Variants in OSBPL8 observed in about 807,000 individuals in gnomAD.
OSBPL8 encodes the protein oxysterol-binding protein-related protein 8.
In OSBPL8, 59 loss-of-function variants were observed where a neutral mutation model predicts 125.5. That is an observed-to-expected ratio of 0.47 (90% CI 0.38 to 0.58). The LOEUF (loss-of-function observed/expected upper bound fraction) is 0.58, where lower values mean the gene tolerates loss of function less well. Ranked by LOEUF, OSBPL8 falls within the 20% of genes least tolerant of loss-of-function variation. OSBPL8 has a pLI of 0.00. For missense variants in OSBPL8, 758 were observed against 1,047.8 expected (o/e 0.72, Z 3.82); for synonymous variants, 330 against 338.9 (o/e 0.97, Z 0.29).
At chr12:76,551,409 A>C (rs1203375612) in intron 1 of OSBPL8, among the ~76,000 whole-genome samples, 1 of 152,202 alleles carries the variant, frequency 6.6e-6, no homozygotes, top group Non-Finnish European at 1.5e-5. Context: ...TAGTGAGTAG[A>C]GGCCAGGGAT....
chr12:76,466,784 C>T (rs541314107), intron 2 of OSBPL8, among the ~76,000 whole-genome samples: 27 of 152,024 alleles, frequency 1.8e-4, no homozygotes, highest in African/African-American at 6.3e-4. Context: ...CCTGGTGAAA[C>T]GTCGTATCTA....
At chr12:76,441,946 TTGTC>T (rs1378065982) in intron 4 of OSBPL8, among the ~76,000 whole-genome samples, 3 of 152,180 alleles carry the variant, frequency 2.0e-5, no homozygotes, top group Admixed American at 1.3e-4. Flanking sequence ...GTATAATTGA[TTGTC>T]TGTAACACAA....
At position 76,482,951 on chromosome 12, in the gene OSBPL8, C is replaced by A. The variant is rs12822777; in HGVS notation, c.42+4559G>T. Among the ~76,000 whole-genome samples, 19 of 152,012 alleles carry A rather than the reference C, an allele frequency of 1.2e-4. No homozygotes were observed. In the East Asian group the frequency reaches 3.7e-3, roughly 30 times the overall value. ...ATATGCAACTAGAATAACAAGTGAG[C>A]AAATGTGTTTTAAAAATATATAGTA... On this transcript the variant is annotated intron_variant, in intron 2 of 23. Transcript: ENST00000261183.
chr12:76,488,051 T>C (rs1164794826), intron 1 of OSBPL8, among the ~76,000 whole-genome samples: 3 of 152,200 alleles, frequency 2.0e-5, no homozygotes, highest in Admixed American at 1.3e-4. Context: ...TAAAAATATG[T>C]ATGTTTTAAT....
At position 76,532,588 on chromosome 12, in the gene OSBPL8, T is replaced by C. The variant is rs74105507; in HGVS notation, c.-68+26809A>G. On this transcript the variant is annotated intron_variant, in intron 1 of 23. Coordinates refer to ENST00000261183, the MANE Select transcript of OSBPL8 (RefSeq NM_020841.5). The stretch of plus-strand genomic sequence containing the variant: ...ACTACGGCAGTATTGGATTTTTGTT[T>C]TAACCTGTCCGGACCCATTTCCCCT... Among the ~76,000 whole-genome samples, 359 of 152,254 alleles carry C rather than the reference T, an allele frequency of 2.4e-3. 4 individuals are homozygous for C. The highest frequency in any genetic ancestry group is 8.4e-3 in the African/African-American group (348 of 41,558).
In OSBPL8 at chr12:76,355,925, A is replaced by T. The variant is rs1312550590; in HGVS notation, c.2634T>A (p.Ile878=). The part of the protein sequence containing the change: ...QKDYFIIFLL[I]LLQVIINFMF... ...TGAAGTTTATTATGACTTGAAGCAA[A>T]ATCAGGAGGAAAATGATGAAGTAGT... The change falls in exon 24 of 24, where the codon ATT becomes ATA. Residue 878 remains isoleucine, a synonymous_variant. Coordinates refer to ENST00000261183, the MANE Select transcript of OSBPL8 (RefSeq NM_020841.5). 10 of 1,613,648 alleles carry T rather than the reference A, an allele frequency of 6.2e-6. No individual in the cohort carries two copies. Among genetic ancestry groups the T allele is most frequent in the Non-Finnish European group, 5.1e-6 (6 of 1,179,698 alleles).
At chr12:76,367,230 G>GGT (rs1491007677) in intron 21 of OSBPL8, among the ~76,000 whole-genome samples, 29 of 33,518 alleles carry the variant, frequency 8.7e-4, no homozygotes, top group African/African-American at 1.8e-3. Flanking sequence ...TTGTTGATTG[G>GGT]TGTGTGTGTG....
intron 1 of OSBPL8, among the ~76,000 whole-genome samples, chr12:76,529,369 T>G (rs979110369): frequency 1.3e-5 from 2 of 152,102 alleles, no homozygotes; most frequent in East Asian, 3.9e-4. Flanking sequence ...GGTGAGTGGA[T>G]TTGTAGAAAC....
chr12:76,517,659 G>A (rs796725591), intron 1 of OSBPL8, among the ~76,000 whole-genome samples: 6 of 152,278 alleles, frequency 3.9e-5, no homozygotes, highest in African/African-American at 1.2e-4. Context: ...AAAGAAAAAA[G>A]GGTTAATTGG....
At chr12:76,362,198 A>G (rs369318973) in intron 21 of OSBPL8, among the ~76,000 whole-genome samples, 14 of 152,134 alleles carry the variant, frequency 9.2e-5, no homozygotes, top group East Asian at 3.9e-4. Flanking sequence ...AACACTAGTG[A>G]GAAGCTTATT....
Position 76,355,676 on chromosome 12 carries a change from A to C in OSBPL8, c.*213T>G. ...TCACAAAAGCTAGAAATGTCCTGGC[A>C]CTTAACACATAGCTCACTTTAATAA... On this transcript the variant is annotated 3_prime_UTR_variant, in exon 24 of 24. Transcript: ENST00000261183. 1 of 502,570 alleles carries C rather than the reference A, an allele frequency of 2.0e-6. No homozygotes were observed. The highest frequency in any genetic ancestry group is 3.4e-6 in the Non-Finnish European group (1 of 289,996). The allele number at this position is 502,570 out of a possible 1,614,324, so 31.1% of individuals were successfully genotyped here. A position where few individuals can be genotyped will look rare whatever the true frequency, so the allele number is the denominator to read the frequency against.
At chr12:76,529,996 T>C (rs1216623982) in intron 1 of OSBPL8, among the ~76,000 whole-genome samples, 1 of 152,118 alleles carries the variant, frequency 6.6e-6, no homozygotes, top group Non-Finnish European at 1.5e-5. Context: ...TTCTGCACCA[T>C]CCACAAAAGC....
intron 3 of OSBPL8, among the ~76,000 whole-genome samples, chr12:76,452,594 C>T (rs1424324911): frequency 6.6e-6 from 1 of 152,204 alleles, no homozygotes; most frequent in Non-Finnish European, 1.5e-5. Context: ...TTATTTTTCT[C>T]TTTCTCTTAC....
At chr12:76,358,878 A>C in intron 21 of OSBPL8, 67 bp from the exon 22 acceptor site, 1 of 1,177,548 alleles carries the variant, frequency 8.5e-7, no homozygotes. Flanking sequence ...ACTGTGTACA[A>C]TTGTCAAAAT....
intron 1 of OSBPL8, among the ~76,000 whole-genome samples, chr12:76,520,684 C>A (rs2137259051): frequency 6.6e-6 from 1 of 152,098 alleles, no homozygotes; most frequent in Admixed American, 6.5e-5. Flanking sequence ...TAGCACTACA[C>A]ATTGCATAGT....
At position 76,353,835 on chromosome 12, in the gene OSBPL8, A is replaced by C. The variant is rs529382480; in HGVS notation, c.*2054T>G. 6.6e-6 allele frequency: 1 copy of C among 152,428 alleles called. No homozygotes were observed. The highest frequency in any genetic ancestry group is 1.5e-5 in the Non-Finnish European group (1 of 67,842). The allele number at this position is 152,428 out of a possible 1,614,324, so 9.4% of individuals were successfully genotyped here. A position where few individuals can be genotyped will look rare whatever the true frequency, so the allele number is the denominator to read the frequency against. ...TTGACTCTTTGGGTAAGAACCCATA[A>C]CATTTGCTCTAAAAAGAAATTTTAA... On this transcript the variant is annotated 3_prime_UTR_variant, in exon 24 of 24. Coordinates refer to ENST00000261183, the MANE Select transcript of OSBPL8 (RefSeq NM_020841.5).
intron 1 of OSBPL8, among the ~76,000 whole-genome samples, chr12:76,514,672 C>A (rs1881354636): frequency 6.6e-6 from 1 of 152,118 alleles, no homozygotes; most frequent in African/African-American, 2.4e-5. Flanking sequence ...GAGTTCTCTG[C>A]ATTTCCTGAA....
intron 3 of OSBPL8, among the ~76,000 whole-genome samples, chr12:76,454,785 C>G (rs1873823482): frequency 6.7e-6 from 1 of 148,326 alleles, no homozygotes; most frequent in South Asian, 2.1e-4. Flanking sequence ...TTATATAAAC[C>G]ATGACACCAT....
chr12:76,464,326 T>C (rs905637264), intron 2 of OSBPL8, among the ~76,000 whole-genome samples: 3 of 152,204 alleles, frequency 2.0e-5, no homozygotes, highest in East Asian at 1.9e-4. Context: ...CATTTGAGTA[T>C]GTTATTGTTT....
Sources: gnomAD v4.1 joint callset for allele counts (sites outside exome capture counted in the v4.1 genomes callset) on GRCh38, gnomAD v4.1.1 for gene constraint, MANE v1.5 for transcripts, NCBI Gene and HGNC (gene_info 2026-07-23, HGNC 2026-07-21) for gene names.